The following GLIS1 variants were observed in gnomAD, a reference collection of about 807,000 sequenced individuals.
GLIS1 encodes the protein zinc finger protein GLIS1.
GLIS1 carries 24 observed loss-of-function variants against 63.8 expected under a neutral mutation model. That is an observed-to-expected ratio of 0.38 (90% confidence interval 0.27 to 0.53). The LOEUF is 0.53. GLIS1 is among the 20% of genes least tolerant of loss of function. The probability of loss-of-function intolerance (pLI) is 0.85; values close to 1 mark genes in which losing one functional copy is unlikely to be tolerated. For synonymous variants in GLIS1, 450 were observed against 482.5 expected, an observed-to-expected ratio of 0.93 and a Z score of 0.88; for missense variants, 1,036 against 1,074.1, an observed-to-expected ratio of 0.96 and a Z score of 0.50.
chr1:53,692,253 T>C (rs1469773243), intron 2 of GLIS1, among the ~76,000 whole-genome samples: 4 of 152,220 alleles, frequency 2.6e-5, no homozygotes, highest in African/African-American at 9.6e-5. Flanking sequence ...TTAAACTCAC[T>C]GCCAGATTCA....
intron 2 of GLIS1, among the ~76,000 whole-genome samples, chr1:53,676,417 C>T (rs1271300230): frequency 6.6e-6 from 1 of 152,178 alleles, no homozygotes; most frequent in Non-Finnish European, 1.5e-5. Flanking sequence ...CACACCCTGG[C>T]ACAGCAACCC....
At chr1:53,686,897 T>C (rs1341066116) in intron 2 of GLIS1, among the ~76,000 whole-genome samples, 1 of 152,174 alleles carries the variant, frequency 6.6e-6, no homozygotes, top group Non-Finnish European at 1.5e-5. Context: ...GATGGGACTG[T>C]GGCCTGCAGG....
chr1:53,679,912 G>A (rs1170827979), intron 2 of GLIS1, among the ~76,000 whole-genome samples: 2 of 152,300 alleles, frequency 1.3e-5, no homozygotes, highest in Non-Finnish European at 2.9e-5. Flanking sequence ...CCACACCTGA[G>A]GCAGCCTGAC....
At chr1:53,638,912 A>C (rs977735611) in intron 2 of GLIS1, among the ~76,000 whole-genome samples, 5 of 152,228 alleles carry the variant, frequency 3.3e-5, no homozygotes, top group African/African-American at 1.2e-4. Context: ...GTTTCAGACA[A>C]TCACAGTCCC....
intron 2 of GLIS1, among the ~76,000 whole-genome samples, chr1:53,604,545 C>T (rs1645350258): frequency 6.6e-6 from 1 of 152,246 alleles, no homozygotes; most frequent in East Asian, 1.9e-4. Flanking sequence ...AAGCATCCAG[C>T]AGCTGGGTCC....
intron 2 of GLIS1, among the ~76,000 whole-genome samples, chr1:53,616,970 C>T (rs776610142): frequency 7.9e-5 from 12 of 152,080 alleles, no homozygotes; most frequent in Non-Finnish European, 1.3e-4. Flanking sequence ...ACCCAGATCC[C>T]AGGCTCCCTC....
intron 2 of GLIS1, among the ~76,000 whole-genome samples, chr1:53,645,584 G>C (rs1428389231): frequency 6.6e-6 from 1 of 152,212 alleles, no homozygotes; most frequent in Non-Finnish European, 1.5e-5. Flanking sequence ...CGAGGGGATG[G>C]CCTGCCCAAC....
chr1:53,619,227 G>A (rs1442315779), intron 2 of GLIS1, among the ~76,000 whole-genome samples: 1 of 152,210 alleles, frequency 6.6e-6, no homozygotes, highest in African/African-American at 2.4e-5. Flanking sequence ...CACCCACCCT[G>A]AGCTGGGCAC....
At chr1:53,676,040 T>A (rs980317157) in intron 2 of GLIS1, among the ~76,000 whole-genome samples, 2 of 152,186 alleles carry the variant, frequency 1.3e-5, no homozygotes, top group Admixed American at 1.3e-4. Flanking sequence ...AACCCTCTTT[T>A]ATTTTGAAGA....
intron 2 of GLIS1, among the ~76,000 whole-genome samples, chr1:53,707,327 C>T (rs921022895): frequency 2.0e-5 from 3 of 152,182 alleles, no homozygotes; most frequent in Non-Finnish European, 4.4e-5. Context: ...TTAACAACAA[C>T]ATGTTCTGTT....
intron 2 of GLIS1, among the ~76,000 whole-genome samples, chr1:53,636,069 G>A (rs140966263): frequency 3.7e-4 from 56 of 152,210 alleles, no homozygotes; most frequent in African/African-American, 1.3e-3. Flanking sequence ...CTAGAAAAAG[G>A]GGGAATACTC....
intron 2 of GLIS1, among the ~76,000 whole-genome samples, chr1:53,709,399 TAC>T (rs60898562): frequency 7.0e-5 from 1 of 14,204 alleles, no homozygotes; most frequent in Non-Finnish European, 2.1e-4. Context: ...TATATACATA[TAC>T]ATATATATAT....
At chr1:53,699,533 T>C (rs773487539) in intron 2 of GLIS1, among the ~76,000 whole-genome samples, 2 of 152,202 alleles carry the variant, frequency 1.3e-5, no homozygotes, top group Non-Finnish European at 1.5e-5. Flanking sequence ...AATCCAAAAA[T>C]CCAAAGTCTG....
At chr1:53,520,875 C>A in intron 6 of GLIS1, 109 bp from the exon 7 acceptor site, 1 of 1,198,446 alleles carries the variant, frequency 8.3e-7, no homozygotes. Flanking sequence ...GGGCAAGACC[C>A]TTCCCTTCAC....
At chr1:53,709,725 G>A (rs1646626363) in intron 2 of GLIS1, among the ~76,000 whole-genome samples, 1 of 152,152 alleles carries the variant, frequency 6.6e-6, no homozygotes, top group Non-Finnish European at 1.5e-5. Context: ...ACCCCCCAGA[G>A]GCAGTTCCCA....
At chr1:53,674,602 G>A (rs1646192246) in intron 2 of GLIS1, among the ~76,000 whole-genome samples, 2 of 152,304 alleles carry the variant, frequency 1.3e-5, no homozygotes, top group Non-Finnish European at 2.9e-5. Context: ...GTTCAGCATG[G>A]TGCGAGACAC....
intron 4 of GLIS1, among the ~76,000 whole-genome samples, chr1:53,583,561 G>T (rs1473074148): frequency 2.0e-5 from 3 of 152,180 alleles, no homozygotes; most frequent in Admixed American, 6.5e-5. Context: ...CTGAGCTTAT[G>T]TCCCAACATG....
chr1:53,604,957 C>T (rs61770297), intron 2 of GLIS1, among the ~76,000 whole-genome samples: 1,246 of 11,844 alleles, frequency 0.11, 22 homozygotes, highest in South Asian at 0.13. Context: ...TATATATATA[C>T]ACACACACAC....
chr1:53,630,662 A>AT (rs1289304974), intron 2 of GLIS1, among the ~76,000 whole-genome samples: 1 of 151,956 alleles, frequency 6.6e-6, no homozygotes, highest in Admixed American at 6.6e-5. Context: ...TGGCTCGCTA[A>AT]TTTTTTGTAT....
Sources: allele counts gnomAD v4.1 joint callset (sites outside exome capture counted in the v4.1 genomes callset), GRCh38; gene constraint gnomAD v4.1.1; transcripts MANE v1.5; gene names NCBI Gene and HGNC (gene_info 2026-07-23, HGNC 2026-07-21).